TBC1D12: variants seen among roughly 807,000 people sequenced by gnomAD.
TBC1D12 encodes TBC1 domain family, member 12.
A neutral mutation model predicts 86.7 loss-of-function variants in TBC1D12; 56 were observed. The observed-to-expected ratio is 0.65, with a 90% CI of 0.52 to 0.81. TBC1D12 has a LOEUF of 0.81. TBC1D12 is among the 30% of genes least tolerant of loss of function. The pLI is 0.00. For synonymous variants in TBC1D12, 421 were observed against 411.7 expected, an observed-to-expected ratio of 1.02 and a Z score of -0.27; for missense variants, 1,023 against 1,038.8, an observed-to-expected ratio of 0.98 and a Z score of 0.21.
chr10:94,494,222 G>T (rs1473235381), intron 4 of TBC1D12, among the ~76,000 whole-genome samples: 2 of 152,006 alleles, frequency 1.3e-5, no homozygotes, highest in Non-Finnish European at 2.9e-5. Flanking sequence ...TTTATTTCCT[G>T]ACAGTTGTTA....
chr10:94,444,880 C>T (rs1169372545), intron 2 of TBC1D12, among the ~76,000 whole-genome samples: 1 of 150,874 alleles, frequency 6.6e-6, no homozygotes, highest in Non-Finnish European at 1.5e-5. Flanking sequence ...TACAGGCGCC[C>T]GCCGCCACGC....
chr10:94,514,051 A>C (rs750734992), intron 9 of TBC1D12, among the ~76,000 whole-genome samples: 791 of 51,230 alleles, frequency 0.015, 11 homozygotes, highest in South Asian at 0.07. Flanking sequence ...AAAAAAAAAC[A>C]AAAAAAAAAA....
intron 11 of TBC1D12, among the ~76,000 whole-genome samples, chr10:94,524,127 C>T (rs774988300): frequency 3.3e-5 from 5 of 152,178 alleles, no homozygotes; most frequent in Non-Finnish European, 7.3e-5. Context: ...CTCCTACAAC[C>T]TGTAATTCAG....
intron 3 of TBC1D12, among the ~76,000 whole-genome samples, chr10:94,480,677 C>T (rs2056063916): frequency 1.3e-5 from 2 of 151,136 alleles, no homozygotes; most frequent in East Asian, 1.9e-4. Flanking sequence ...CACAGCAAAA[C>T]CTTGTCTCTA....
At chr10:94,488,500 C>T (rs1291330399) in intron 3 of TBC1D12, among the ~76,000 whole-genome samples, 3 of 143,356 alleles carry the variant, frequency 2.1e-5, no homozygotes, top group East Asian at 2.3e-4. Flanking sequence ...AAGCAATTCT[C>T]CTGCCTCAGC....
intron 2 of TBC1D12, among the ~76,000 whole-genome samples, chr10:94,443,098 A>C (rs894412709): frequency 6.6e-6 from 1 of 152,160 alleles, no homozygotes; most frequent in Non-Finnish European, 1.5e-5. Context: ...TAGCTGTTTA[A>C]CCAGAACCAA....
At chr10:94,508,129 G>A (rs1190942268) in intron 7 of TBC1D12, among the ~76,000 whole-genome samples, 1 of 151,962 alleles carries the variant, frequency 6.6e-6, no homozygotes, top group East Asian at 1.9e-4. Flanking sequence ...TTAACTTTTT[G>A]GTCATTGTCT....
intron 11 of TBC1D12, among the ~76,000 whole-genome samples, chr10:94,528,205 A>G (rs1346527435): frequency 6.6e-6 from 1 of 152,140 alleles, no homozygotes; most frequent in Admixed American, 6.6e-5. Flanking sequence ...CTTCCAATCT[A>G]TGAACATGGG....
At chr10:94,459,195 T>G (rs2055682882) in intron 2 of TBC1D12, among the ~76,000 whole-genome samples, 1 of 152,164 alleles carries the variant, frequency 6.6e-6, no homozygotes, top group Non-Finnish European at 1.5e-5. Context: ...GAGTGCTGAT[T>G]GGTGCATTTA....
intron 12 of TBC1D12, among the ~76,000 whole-genome samples, chr10:94,532,016 G>A (rs1449665889): frequency 6.6e-6 from 1 of 151,334 alleles, no homozygotes; most frequent in African/African-American, 2.4e-5. Context: ...AAGTAGCTGG[G>A]ACTACAGGTG....
chr10:94,439,919 TCAAA>T (rs1479058466), intron 1 of TBC1D12, among the ~76,000 whole-genome samples: 14 of 152,230 alleles, frequency 9.2e-5, no homozygotes, highest in African/African-American at 2.7e-4. Context: ...ACACAACGTA[TCAAA>T]CATTGTTTAA....
intron 12 of TBC1D12, among the ~76,000 whole-genome samples, chr10:94,531,874 A>ATGTTATGTTG (rs1328251854): frequency 8.0e-6 from 1 of 125,124 alleles, no homozygotes; most frequent in Non-Finnish European, 1.8e-5. Flanking sequence ...ATGTTATGTT[A>ATGTTATGTTG]TGTTATGTTA....
chr10:94,435,048 C>T (rs1341149806), intron 1 of TBC1D12, among the ~76,000 whole-genome samples: 4 of 152,094 alleles, frequency 2.6e-5, no homozygotes, highest in Non-Finnish European at 4.4e-5. Context: ...TTGCTTTTCA[C>T]GGAGGAATAA....
chr10:94,521,250 A>G (rs1483526472), intron 9 of TBC1D12, among the ~76,000 whole-genome samples: 1 of 147,986 alleles, frequency 6.8e-6, no homozygotes, highest in Admixed American at 6.7e-5. Context: ...AAAAAAAAAC[A>G]GGAGAAGAAG....
At chr10:94,441,475 G>T (rs200082702) in intron 1 of TBC1D12, among the ~76,000 whole-genome samples, 1 of 152,012 alleles carries the variant, frequency 6.6e-6, no homozygotes, top group African/African-American at 2.4e-5. Context: ...AGCTGATTTA[G>T]ACAAATGTTT....
intron 1 of TBC1D12, among the ~76,000 whole-genome samples, chr10:94,419,723 T>A (rs1046830005): frequency 1.3e-5 from 2 of 152,208 alleles, no homozygotes; most frequent in East Asian, 3.8e-4. Context: ...CAGCTTTTGA[T>A]AGGAACAGTC....
chr10:94,463,347 AAG>A (rs1286159106), intron 2 of TBC1D12, among the ~76,000 whole-genome samples: 1 of 152,200 alleles, frequency 6.6e-6, no homozygotes, highest in East Asian at 1.9e-4. Flanking sequence ...TTCATCTGGT[AAG>A]AGTCCTCTTA....
chr10:94,510,322 G>A, intron 8 of TBC1D12, 143 bp downstream of exon 8: 2 of 519,128 alleles, frequency 3.9e-6, no homozygotes, highest in Non-Finnish European at 3.3e-6. Flanking sequence ...TGTAAAACTA[G>A]TTATAAAATT....
intron 1 of TBC1D12, among the ~76,000 whole-genome samples, chr10:94,435,910 C>G (rs2055288085): frequency 6.6e-6 from 1 of 152,174 alleles, no homozygotes; most frequent in African/African-American, 2.4e-5. Flanking sequence ...GGTCCCGATA[C>G]TATTTATTAC....
Sources: gnomAD v4.1 joint callset for allele counts (sites outside exome capture counted in the v4.1 genomes callset) on GRCh38, gnomAD v4.1.1 for gene constraint, MANE v1.5 for transcripts, NCBI Gene and HGNC (gene_info 2026-07-23, HGNC 2026-07-21) for gene names.